Variants in ERC1 observed in about 807,000 individuals in gnomAD.
ERC1 encodes the protein RAB6 interacting protein 2.
Under a neutral mutation model 132.0 loss-of-function variants are expected in ERC1, and 56 were observed. The observed-to-expected ratio is 0.42, with a 90% confidence interval of 0.34 to 0.53. The LOEUF (loss-of-function observed/expected upper bound fraction) is 0.53, where lower values mean the gene tolerates loss of function less well. ERC1 is among the 20% of genes least tolerant of loss of function. The pLI is 0.03. For missense variants in ERC1, 1,202 were observed against 1,349.9 expected (o/e 0.89, Z 1.72); for synonymous variants, 478 against 476.1 (o/e 1.00, Z -0.05).
chr12:1,482,296 T>A (rs1035298233), intron 18 of ERC1, among the ~76,000 whole-genome samples: 1 of 152,080 alleles, frequency 6.6e-6, no homozygotes, highest in Non-Finnish European at 1.5e-5. Context: ...TCCCCTGCTG[T>A]CAAGAAAATA....
chr12:1,195,070 C>T (rs1304414892), intron 12 of ERC1, among the ~76,000 whole-genome samples: 2 of 151,714 alleles, frequency 1.3e-5, no homozygotes, highest in Non-Finnish European at 2.9e-5. Flanking sequence ...AGGAGGGGCT[C>T]TATAAGAAGT....
chr12:1,155,268 G>T (rs759826293), intron 8 of ERC1, among the ~76,000 whole-genome samples: 67 of 139,688 alleles, frequency 4.8e-4, no homozygotes, highest in Non-Finnish European at 8.4e-4. Flanking sequence ...AGAGGTTGCA[G>T]TGAGCCTGGA....
At chr12:1,105,687 C>T in intron 4 of ERC1, among the ~76,000 whole-genome samples, 1 of 152,162 alleles carries the variant, frequency 6.6e-6, no homozygotes, top group East Asian at 1.9e-4. Flanking sequence ...CTTTTTACTG[C>T]TTCTTCAAGG....
Position 1,321,283 on chromosome 12 carries a change from AT to A in ERC1, c.2780+31273del, listed in dbSNP as rs1051951914. ...TAGTATTATGAGAATTAAATGCAAA[AT>A]TGTATGTGAAATTATGTGACACTGT... On this transcript the variant is annotated intron_variant, in intron 15 of 18. Transcript: ENST00000360905. Among the ~76,000 whole-genome samples the A allele has an allele frequency of 3.9e-5, 6 of 152,196 alleles. No individual in the cohort carries two copies. In the East Asian group the frequency reaches 5.8e-4, roughly 15 times the overall value.
At chr12:1,108,971 GA>G (rs965283654) in intron 4 of ERC1, among the ~76,000 whole-genome samples, 2 of 152,148 alleles carry the variant, frequency 1.3e-5, no homozygotes, top group Admixed American at 1.3e-4. Flanking sequence ...AGGTAAAGTA[GA>G]AAAGGAGTTA....
intron 16 of ERC1, among the ~76,000 whole-genome samples, chr12:1,376,271 G>A (rs7486336): frequency 0.29 from 44,368 of 151,980 alleles, 6,704 homozygotes; most frequent in Middle Eastern, 0.35. Context: ...ATTCTAATAT[G>A]TCTTTCTTAA....
At position 1,308,611 on chromosome 12, in the gene ERC1, T is replaced by C. The variant is rs1034622952; in HGVS notation, c.2780+18599T>C. ...CTAACAGTTTGTTGTGTTCCAACAG[T>C]TTGTAATCATGTCAAAAAATAATAG... On this transcript the variant is annotated intron_variant, in intron 15 of 18. Transcript: ENST00000360905. Among the ~76,000 whole-genome samples the C allele has an allele frequency of 2.0e-5, 3 of 152,324 alleles. No individual in the cohort carries two copies. In the East Asian group the frequency reaches 5.8e-4, roughly 29 times the overall value.
intron 11 of ERC1, among the ~76,000 whole-genome samples, chr12:1,187,075 C>T (rs1955179584): frequency 6.6e-6 from 1 of 152,188 alleles, no homozygotes; most frequent in Non-Finnish European, 1.5e-5. Context: ...AGGTGATCCA[C>T]CCACCTCGGC....
At chr12:1,357,884 T>C (rs544486718) in intron 15 of ERC1, among the ~76,000 whole-genome samples, 1 of 152,306 alleles carries the variant, frequency 6.6e-6, no homozygotes, top group Admixed American at 6.5e-5. Context: ...CGCAGATCAG[T>C]GGGTTTAAGA....
In ERC1 at chr12:1,201,629, G is replaced by A. The variant is rs113740641; in HGVS notation, c.2351+11577G>A. On this transcript the variant is annotated intron_variant, in intron 12 of 18. Transcript: ENST00000360905. Reference sequence around the variant, plus strand: ...TATGTTAGTATCCCATTATATTCAGGCATCTGTTGCATAGTGTAACCCGGA... The same window carrying A: ...TATGTTAGTATCCCATTATATTCAGACATCTGTTGCATAGTGTAACCCGGA... 1.2e-3 allele frequency among the ~76,000 whole-genome samples: 182 copies of A among 152,238 alleles called. 1 individual carries two copies. The highest frequency in any genetic ancestry group is 2.2e-3 in the Non-Finnish European group (149 of 68,014).
At chr12:1,165,416 C>A (rs61914296) in intron 8 of ERC1, among the ~76,000 whole-genome samples, 1 of 151,876 alleles carries the variant, frequency 6.6e-6, no homozygotes, top group Non-Finnish European at 1.5e-5. Context: ...CGCCATTCTC[C>A]TGCCTCAGCC....
chr12:1,025,975 T>C (rs1230837591), intron 1 of ERC1, among the ~76,000 whole-genome samples: 1 of 152,026 alleles, frequency 6.6e-6, no homozygotes, highest in Non-Finnish European at 1.5e-5. Context: ...TTTTGTACTT[T>C]TAGTGAGATT....
intron 12 of ERC1, among the ~76,000 whole-genome samples, chr12:1,213,566 A>G (rs1243330426): frequency 6.6e-6 from 1 of 151,910 alleles, no homozygotes; most frequent in Non-Finnish European, 1.5e-5. Context: ...GTGAAACCCC[A>G]TCTCTACTAA....
intron 7 of ERC1, among the ~76,000 whole-genome samples, chr12:1,123,198 T>C (rs1312933039): frequency 6.6e-6 from 1 of 151,956 alleles, no homozygotes; most frequent in Non-Finnish European, 1.5e-5. Context: ...CTTAAGAAAA[T>C]ACAAGCATAA....
chr12:1,344,853 T>C (rs1285168294), intron 15 of ERC1, among the ~76,000 whole-genome samples: 2 of 152,186 alleles, frequency 1.3e-5, no homozygotes, highest in South Asian at 4.1e-4. Context: ...TTGTCTAGGG[T>C]CATACAACTA....
At chr12:1,268,643 G>A (rs978916461) in intron 14 of ERC1, among the ~76,000 whole-genome samples, 4 of 152,312 alleles carry the variant, frequency 2.6e-5, no homozygotes, top group African/African-American at 7.2e-5. Context: ...GCGGGTACCT[G>A]TAGTCACAGC....
intron 16 of ERC1, among the ~76,000 whole-genome samples, chr12:1,379,409 G>A (rs1443238373): frequency 6.6e-6 from 1 of 152,130 alleles, no homozygotes; most frequent in African/African-American, 2.4e-5. Context: ...CTATTTCAGT[G>A]AACAGCCAAT....
intron 2 of ERC1, among the ~76,000 whole-genome samples, chr12:1,045,836 T>C (rs1257800987): frequency 6.6e-6 from 1 of 152,058 alleles, no homozygotes; most frequent in Non-Finnish European, 1.5e-5. Context: ...CAAGAATAGG[T>C]GTATCATAGG....
intron 1 of ERC1, chr12:991,896 G>A (rs1035623877): frequency 2.0e-5 from 3 of 151,276 alleles, no homozygotes; most frequent in South Asian, 2.1e-4. Flanking sequence ...TGTGCATGTT[G>A]CCTTTGAGGC....
Sources: allele counts gnomAD v4.1 joint callset (sites outside exome capture counted in the v4.1 genomes callset), GRCh38; gene constraint gnomAD v4.1.1; transcripts MANE v1.5; gene names NCBI Gene and HGNC (gene_info 2026-07-23, HGNC 2026-07-21).